The following KIAA1217 variants were observed in gnomAD, a reference collection of about 807,000 sequenced individuals.
The protein encoded by KIAA1217 is KIAA1217.
KIAA1217 carries 88 observed loss-of-function variants against 163.9 expected under a neutral mutation model. The ratio of observed to expected loss-of-function variants is 0.54; its 90% CI spans 0.45 to 0.64. KIAA1217 has a LOEUF of 0.64. Among genes scored for constraint, KIAA1217 ranks in the 30% least tolerant of loss-of-function variants. KIAA1217 has a pLI of 0.00. For missense variants in KIAA1217, 2,372 were observed against 2,475.0 expected (o/e 0.96, Z 0.88); for synonymous variants, 903 against 923.1 (o/e 0.98, Z 0.39).
chr10:23,860,016 A>C (rs77131908), intron 1 of KIAA1217, among the ~76,000 whole-genome samples: 1 of 151,732 alleles, frequency 6.6e-6, no homozygotes, highest in Non-Finnish European at 1.5e-5. Flanking sequence ...ATGCTGACAT[A>C]GTCACTTGTC....
In KIAA1217 at chr10:24,373,316, T is replaced by C. The variant is rs530813079; in HGVS notation, c.355-7553T>C. On this transcript the variant is annotated intron_variant, in intron 2 of 20. Coordinates refer to ENST00000376454, the MANE Select transcript of KIAA1217 (RefSeq NM_019590.5). ...CCACCCTCTTCTTGGCTCTGGGAAGTCATCCACTCCCCTCTTCCTGCGCAA... is the reference window on the plus strand; with the variant it reads ...CCACCCTCTTCTTGGCTCTGGGAAGCCATCCACTCCCCTCTTCCTGCGCAA... 8.9e-4 allele frequency among the ~76,000 whole-genome samples: 136 copies of C among 152,210 alleles called. 1 individual carries two copies. The highest frequency in any genetic ancestry group is 2.9e-3 in the African/African-American group (121 of 41,520).
rs376327505 is a variant in KIAA1217 at position 24,524,506 on chromosome 10, C to T, written c.2640C>T (p.Ser880=). 35 of 1,614,032 alleles carry T rather than the reference C, an allele frequency of 2.2e-5. No homozygotes were observed. The highest frequency in any genetic ancestry group is 8.0e-5 in the African/African-American group (6 of 74,938). The change falls in exon 13 of 21, where the codon TCC becomes TCT. Residue 880 remains serine, a synonymous_variant. Coordinates refer to ENST00000376454, the MANE Select transcript of KIAA1217 (RefSeq NM_019590.5). ...GDAKSEVVPL[S]GMMVRHAQSS... is the part of the protein sequence containing the mutation. ...CGAAGTCGGAAGTGGTGCCTTTGTC[C>T]GGCATGATGGTTCGCCACGCGCAGA...
At chr10:24,074,597 T>C (rs796219722) in intron 2 of KIAA1217, among the ~76,000 whole-genome samples, 3 of 152,258 alleles carry the variant, frequency 2.0e-5, no homozygotes, top group African/African-American at 7.2e-5. Context: ...AGGCAGGTCA[T>C]ATGATATTTC....
chr10:24,224,911 C>T (rs56104649), intron 2 of KIAA1217, among the ~76,000 whole-genome samples: 1,612 of 148,894 alleles, frequency 0.011, 15 homozygotes, highest in Non-Finnish European at 0.018. Context: ...ACTGCAAGCT[C>T]CGCCTCCCAG....
chr10:24,308,197 C>T (rs551884292), intron 2 of KIAA1217, among the ~76,000 whole-genome samples: 1 of 152,300 alleles, frequency 6.6e-6, no homozygotes, highest in South Asian at 2.1e-4. Context: ...CCATCATTTC[C>T]TTAGCTGTGT....
chr10:24,167,917 A>G (rs1359547532), intron 2 of KIAA1217, among the ~76,000 whole-genome samples: 3 of 152,134 alleles, frequency 2.0e-5, no homozygotes, highest in East Asian at 3.9e-4. Flanking sequence ...TCAAGATGGG[A>G]GCCAAACTCA....
chr10:23,702,038 CT>C (rs1836488550), intron 1 of KIAA1217, among the ~76,000 whole-genome samples: 1 of 152,156 alleles, frequency 6.6e-6, no homozygotes, highest in Non-Finnish European at 1.5e-5. Flanking sequence ...GTTACCAGGT[CT>C]TTTCTTAGCC....
intron 2 of KIAA1217, among the ~76,000 whole-genome samples, chr10:24,014,544 G>T (rs1169551633): frequency 6.6e-6 from 1 of 152,046 alleles, no homozygotes; most frequent in African/African-American, 2.4e-5. Flanking sequence ...TGCATACAAG[G>T]ACCCAAAGCA....
intron 1 of KIAA1217, among the ~76,000 whole-genome samples, chr10:23,915,468 AG>A (rs1407573635): frequency 6.6e-6 from 1 of 152,142 alleles, no homozygotes; most frequent in Non-Finnish European, 1.5e-5. Flanking sequence ...AAAGGAGATG[AG>A]GGGAAAACTG....
chr10:24,153,811 C>G (rs1197781691), intron 2 of KIAA1217, among the ~76,000 whole-genome samples: 1 of 152,124 alleles, frequency 6.6e-6, no homozygotes, highest in East Asian at 1.9e-4. Flanking sequence ...GTTTGTTCAT[C>G]TTTTTGGTAT....
chr10:24,272,861 A>C (rs2076905197), intron 2 of KIAA1217, among the ~76,000 whole-genome samples: 1 of 152,202 alleles, frequency 6.6e-6, no homozygotes. Flanking sequence ...ATGTTGGAAT[A>C]AAGTCTTCTT....
intron 2 of KIAA1217, among the ~76,000 whole-genome samples, chr10:24,176,572 G>C (rs1284752018): frequency 1.3e-5 from 2 of 152,228 alleles, no homozygotes; most frequent in Non-Finnish European, 2.9e-5. Context: ...CCCCGAGCTA[G>C]ACACAGAGTG....
chr10:24,095,018 G>T (rs1387774574), intron 2 of KIAA1217, among the ~76,000 whole-genome samples: 1 of 152,148 alleles, frequency 6.6e-6, no homozygotes, highest in Admixed American at 6.5e-5. Flanking sequence ...GAGACTCCGT[G>T]GGCATAGGAC....
intron 4 of KIAA1217, among the ~76,000 whole-genome samples, chr10:24,434,025 CTTTTTTTTTTT>C (rs569791889): frequency 0.034 from 2,481 of 72,732 alleles, 40 homozygotes; most frequent in Non-Finnish European, 0.041. Flanking sequence ...CTCTCTCTCT[CTTTTTTTTTTT>C]TTTTTTTTTT....
In KIAA1217 at chr10:24,473,821, C is replaced by A. The variant is rs201088499; in HGVS notation, c.1440C>A (p.Asp480Glu). ...TPPASPHRVS[D>E]LRMIDMHAHY... The stretch of plus-strand genomic sequence containing the variant: ...CTGCCTCTCCTCACAGAGTCAGTGA[C>A]CTGAGGATGATAGACATGCACGCTC... Residue 480 changes from aspartate (D) to glutamate (E), a missense_variant, in exon 6 of 21, where the codon GAC becomes GAA. Asp to Glu is a conservative substitution (Grantham distance 45, BLOSUM62 2). This residue lies in a region of KIAA1217 where 1,431 missense variants were observed against 1,470.3 expected (regional missense o/e 0.97). Coordinates refer to ENST00000376454, the MANE Select transcript of KIAA1217 (RefSeq NM_019590.5). 3 of 1,614,012 alleles carry A rather than the reference C, an allele frequency of 1.9e-6. No homozygotes were observed. Among genetic ancestry groups the A allele is most frequent in the African/African-American group, 1.3e-5 (1 of 74,924 alleles).
chr10:24,491,286 C>CTTTTTTTT (rs1169407580), intron 6 of KIAA1217, among the ~76,000 whole-genome samples: 1 of 114,738 alleles, frequency 8.7e-6, no homozygotes, highest in Non-Finnish European at 1.7e-5. Flanking sequence ...TTTTTTTTTC[C>CTTTTTTTT]TTTTTTTTTT....
intron 9 of KIAA1217, among the ~76,000 whole-genome samples, chr10:24,502,425 G>A (rs2067780172): frequency 6.6e-6 from 1 of 152,010 alleles, no homozygotes; most frequent in African/African-American, 2.4e-5. Flanking sequence ...CATTGTTAAG[G>A]AATATATAAA....
chr10:23,729,670 A>C (rs6482330), intron 1 of KIAA1217, among the ~76,000 whole-genome samples: 1 of 151,916 alleles, frequency 6.6e-6, no homozygotes, highest in Non-Finnish European at 1.5e-5. Flanking sequence ...AAGAGTTTTT[A>C]TATATTTTGG....
At chr10:23,723,633 G>A (rs7921953) in intron 1 of KIAA1217, among the ~76,000 whole-genome samples, 3,686 of 152,180 alleles carry the variant, frequency 0.024, 163 homozygotes, top group African/African-American at 0.083. Flanking sequence ...AGTATTTCAT[G>A]TTACATAAAA....
Sources: gnomAD v4.1 joint callset for allele counts (sites outside exome capture counted in the v4.1 genomes callset) on GRCh38, gnomAD v4.1.1 for gene constraint, gnomAD v4.1.1 regional missense constraint, MANE v1.5 for transcripts, NCBI Gene and HGNC (gene_info 2026-07-23, HGNC 2026-07-21) for gene names.